MYO5B: variants seen among roughly 807,000 people sequenced by gnomAD.
MYO5B encodes myosin VB.
MYO5B carries 143 observed loss-of-function variants against 229.3 expected under a neutral mutation model. The observed-to-expected ratio is 0.62, with a 90% CI of 0.54 to 0.72. The LOEUF is 0.72. Among genes scored for constraint, MYO5B ranks in the 30% least tolerant of loss-of-function variants. The pLI, the probability that MYO5B is intolerant of heterozygous loss-of-function variation, is 0.00. For synonymous variants in MYO5B, 918 were observed against 885.2 expected (o/e 1.04, Z -0.66); for missense variants, 2,321 against 2,331.0 (o/e 1.00, Z 0.09).
At chr18:50,023,940 C>T (rs1214820879) in intron 4 of MYO5B, among the ~76,000 whole-genome samples, 1 of 152,174 alleles carries the variant, frequency 6.6e-6, no homozygotes, top group Non-Finnish European at 1.5e-5. Context: ...AAAAAATCTT[C>T]ACTCTATGCA....
chr18:49,949,841 G>GT (rs2025413796), intron 14 of MYO5B, among the ~76,000 whole-genome samples: 1 of 152,144 alleles, frequency 6.6e-6, no homozygotes, highest in Non-Finnish European at 1.5e-5. Context: ...TTAATATGGA[G>GT]TTAGAAACAT....
At chr18:50,165,500 G>A (rs1322150662) in intron 1 of MYO5B, among the ~76,000 whole-genome samples, 1 of 151,890 alleles carries the variant, frequency 6.6e-6, no homozygotes, top group African/African-American at 2.4e-5. Context: ...GAAAGGCCAG[G>A]CACAGTGGCT....
chr18:50,122,211 T>G (rs1252612164), intron 1 of MYO5B, among the ~76,000 whole-genome samples: 1 of 152,074 alleles, frequency 6.6e-6, no homozygotes, highest in African/African-American at 2.4e-5. Context: ...CAAAACACCC[T>G]TCTCCTAATC....
At position 49,902,826 on chromosome 18, in the gene MYO5B, A is replaced by C; in HGVS notation, c.2579T>G (p.Met860Arg). Residue 860 changes from methionine (M) to arginine (R), a missense_variant, in exon 21 of 40, where the codon ATG (methionine) becomes AGG (arginine). Met to Arg is a moderately conservative substitution (Grantham distance 91). Around this residue, in one of 2 missense-constraint regions of MYO5B, gnomAD observed 2,113 missense variants for 2,044.7 expected, o/e 1.03. Coordinates refer to ENST00000285039, the MANE Select transcript of MYO5B (RefSeq NM_001080467.3). ...FVRRTYRQVL[M>R]EHKATTIQKH... is the part of the protein sequence containing the mutation. Reference sequence around the variant, plus strand: ...CTGGATGGTGGTGGCCTTGTGCTCCATGAGGACCTGGCGGGAAACAAGGAT... The same window carrying C: ...CTGGATGGTGGTGGCCTTGTGCTCCCTGAGGACCTGGCGGGAAACAAGGAT... 1 of 1,600,256 alleles carries C rather than the reference A, an allele frequency of 6.2e-7. No individual in the cohort carries two copies. The highest frequency in any genetic ancestry group is 1.1e-5 in the South Asian group (1 of 91,036).
chr18:50,032,495 T>G (rs149516717), intron 4 of MYO5B, among the ~76,000 whole-genome samples: 1,615 of 152,330 alleles, frequency 0.011, 37 homozygotes, highest in African/African-American at 0.037. Flanking sequence ...GCTTCTTTGA[T>G]TTAGCATATT....
intron 7 of MYO5B, among the ~76,000 whole-genome samples, chr18:49,985,814 T>C (rs2144302075): frequency 6.6e-6 from 1 of 152,306 alleles, no homozygotes; most frequent in East Asian, 1.9e-4. Flanking sequence ...CTAAAGGTGC[T>C]TAGATGCAGC....
intron 1 of MYO5B, among the ~76,000 whole-genome samples, chr18:50,191,792 G>T (rs539908984): frequency 2.8e-4 from 43 of 152,286 alleles, no homozygotes; most frequent in African/African-American, 9.9e-4. Context: ...GTTATAACAA[G>T]TATGAATGGG....
At chr18:49,979,181 C>G (rs2025787024) in intron 9 of MYO5B, among the ~76,000 whole-genome samples, 1 of 152,196 alleles carries the variant, frequency 6.6e-6, no homozygotes, top group Non-Finnish European at 1.5e-5. Flanking sequence ...GCTGCCAACT[C>G]CACTGTACCA....
intron 22 of MYO5B, among the ~76,000 whole-genome samples, chr18:49,882,977 A>C (rs982787289): frequency 1.3e-5 from 2 of 152,250 alleles, no homozygotes; most frequent in African/African-American, 4.8e-5. Flanking sequence ...TAGATTCAAA[A>C]ATCCTCAACT....
rs201809102 is a variant in MYO5B at position 49,894,077 on chromosome 18, G to A, written c.3045+864C>T. Among the ~76,000 whole-genome samples, 34 of 152,284 alleles carry A rather than the reference G, an allele frequency of 2.2e-4. No homozygotes were observed. The South Asian group carries it at 2.9e-3, about 13-fold the overall frequency. Reference sequence around the variant, plus strand: ...GCTTGGGAATGGCAGAGTGGGGATGGGAATCTGGGGACTCCAAGGTCTACC... The same window carrying A: ...GCTTGGGAATGGCAGAGTGGGGATGAGAATCTGGGGACTCCAAGGTCTACC... On this transcript the variant is annotated intron_variant, in intron 22 of 39. Transcript: ENST00000285039.
At chr18:50,166,998 C>T (rs1458503773) in intron 1 of MYO5B, among the ~76,000 whole-genome samples, 6 of 152,076 alleles carry the variant, frequency 3.9e-5, no homozygotes, top group Non-Finnish European at 7.4e-5. Context: ...ATATAAAAGA[C>T]GCCTGGAAAG....
At chr18:49,892,188 T>G (rs2144126216) in intron 22 of MYO5B, among the ~76,000 whole-genome samples, 1 of 152,272 alleles carries the variant, frequency 6.6e-6, no homozygotes, top group Middle Eastern at 3.4e-3. Flanking sequence ...AAGAACGAAA[T>G]GTACACAATG....
intron 6 of MYO5B, among the ~76,000 whole-genome samples, chr18:49,991,185 G>A (rs571841687): frequency 6.6e-6 from 1 of 152,334 alleles, no homozygotes; most frequent in South Asian, 2.1e-4. Flanking sequence ...AGCAGGATGG[G>A]GGGATTATCA....
chr18:50,163,741 A>G (rs1158534211), intron 1 of MYO5B, among the ~76,000 whole-genome samples: 8 of 152,238 alleles, frequency 5.3e-5, no homozygotes, highest in South Asian at 2.1e-4. Context: ...CTCACAAACC[A>G]GACTTGTTCA....
chr18:49,917,471 ACTCCAGACCATGGTTTGTAAACG>A (rs1568030354), intron 17 of MYO5B, among the ~76,000 whole-genome samples: 2 of 37,804 alleles, frequency 5.3e-5, no homozygotes, highest in East Asian at 3.6e-4. Context: ...TAAAACGTTT[ACTCCAGACCATGGTTTGTAAACG>A]TTTACTCCAG....
In MYO5B at chr18:49,864,384, G is replaced by A. The variant is rs1031477201; in HGVS notation, c.3604-4C>T. 6.2e-7 allele frequency: 1 copy of A among 1,612,852 alleles called. No individual in the cohort carries two copies. The highest frequency in any genetic ancestry group is 8.5e-7 in the Non-Finnish European group (1 of 1,180,032). ...TCTCTGACTCCAGCTCTTGCCTCTG[G>A]AAGACAGCCCAAGGGCCGCTGCCAT... On this transcript the variant is annotated splice_region_variant and splice_polypyrimidine_tract_variant and intron_variant, in intron 27 of 39. Transcript: ENST00000285039.
At chr18:50,025,341 C>G (rs542306994) in intron 4 of MYO5B, among the ~76,000 whole-genome samples, 1 of 152,264 alleles carries the variant, frequency 6.6e-6, no homozygotes, top group Admixed American at 6.5e-5. Flanking sequence ...GTTTCCACAT[C>G]CCGATGATTT....
intron 22 of MYO5B, among the ~76,000 whole-genome samples, chr18:49,890,637 G>A (rs779244669): frequency 4.1e-4 from 63 of 152,306 alleles, no homozygotes; most frequent in Admixed American, 2.2e-3. Flanking sequence ...AGTACTATAA[G>A]AAGACCCAGC....
chr18:49,996,972 T>C (rs2025994656), intron 5 of MYO5B, among the ~76,000 whole-genome samples: 1 of 152,176 alleles, frequency 6.6e-6, no homozygotes, highest in Admixed American at 6.5e-5. Flanking sequence ...GGCTTTCTTC[T>C]TTGCCCTAAA....
Sources: allele counts gnomAD v4.1 joint callset (sites outside exome capture counted in the v4.1 genomes callset), GRCh38; gene constraint gnomAD v4.1.1; regional missense constraint gnomAD v4.1.1; transcripts MANE v1.5; gene names NCBI Gene and HGNC (gene_info 2026-07-23, HGNC 2026-07-21).